MEF2B: variants seen among roughly 807,000 people sequenced by gnomAD.
MEF2B encodes the protein myocyte-specific enhancer factor 2B.
MEF2B carries 15 observed loss-of-function variants against 32.2 expected under a neutral mutation model. That is an observed-to-expected ratio of 0.47 (90% CI 0.31 to 0.72). MEF2B has a LOEUF of 0.72. Among genes scored for constraint, MEF2B ranks in the 30% least tolerant of loss-of-function variants. MEF2B has a pLI of 0.05. For synonymous variants in MEF2B, 205 were observed against 225.6 expected, an observed-to-expected ratio of 0.91 and a Z score of 0.82; for missense variants, 441 against 511.5, an observed-to-expected ratio of 0.86 and a Z score of 1.33.
intron 1 of MEF2B, among the ~76,000 whole-genome samples, chr19:19,161,955 G>A (rs1314145596): frequency 6.6e-6 from 1 of 151,670 alleles, no homozygotes. Flanking sequence ...TTACAGCCAT[G>A]CGCTACCACA....
At chr19:19,150,883 A>T (rs1369854796) in intron 1 of MEF2B, 119 bp from the exon 2 acceptor site, 1 of 1,268,036 alleles carries the variant, frequency 7.9e-7, no homozygotes, top group Non-Finnish European at 1.1e-6. Context: ...TGATGGGGAA[A>T]ATCAAGGCAG....
intron 2 of MEF2B, among the ~76,000 whole-genome samples, chr19:19,150,410 C>G (rs1355350186): frequency 6.6e-6 from 1 of 151,634 alleles, no homozygotes; most frequent in Non-Finnish European, 1.5e-5. Context: ...ACCCGTAATC[C>G]CAGCTACTCA....
At chr19:19,165,959 A>C (rs1003023035) in intron 1 of MEF2B, among the ~76,000 whole-genome samples, 1 of 151,628 alleles carries the variant, frequency 6.6e-6, no homozygotes, top group Non-Finnish European at 1.5e-5. Flanking sequence ...GCTCACAAAC[A>C]CCTCCACTTG....
chr19:19,145,910 C>T lies in MEF2B; in HGVS notation c.994G>A (p.Asp332Asn). Residue 332 changes from aspartate (D) to asparagine (N), a missense_variant, in exon 9 of 9, where the codon GAC (aspartate) becomes AAC (asparagine). Physicochemically the swap from Asp to Asn is conservative, Grantham distance 23. Transcript: ENST00000424583. This position sits in a 1 kb window ranked among gnomAD's most constrained non-coding sequence, Gnocchi z 4.6. ...RLSPAPGGPGDFPKTFPYPLL... is the reference protein window; with the variant it reads ...RLSPAPGGPGNFPKTFPYPLL... ...GGATAGGGGAAGGTCTTAGGAAAGT[C>T]GCCGGGGCCCCCGGGGGCCGGAGAG... The T allele has an allele frequency of 3.5e-6, 5 of 1,438,546 alleles. No individual in the cohort carries two copies. Among genetic ancestry groups the T allele is most frequent in the Non-Finnish European group, 3.7e-6 (4 of 1,094,770 alleles). The allele number at this position is 1,438,546 out of a possible 1,614,324, so 89.1% of individuals were successfully genotyped here.
chr19:19,166,535 C>T (rs1363416494), intron 1 of MEF2B, among the ~76,000 whole-genome samples: 1 of 145,280 alleles, frequency 6.9e-6, no homozygotes, highest in Non-Finnish European at 1.5e-5. Flanking sequence ...GCAGGAGGAC[C>T]ATTTGAGCTC....
chr19:19,151,300 G>A (rs1415289535), intron 1 of MEF2B, among the ~76,000 whole-genome samples: 2 of 152,030 alleles, frequency 1.3e-5, no homozygotes, highest in Non-Finnish European at 2.9e-5. Context: ...CTAGCAGGAG[G>A]ATGCAGGCAC....
At chr19:19,147,579 G>A in intron 4 of MEF2B, 119 bp downstream of exon 4, 1 of 1,538,904 alleles carries the variant, frequency 6.5e-7, no homozygotes, top group Admixed American at 2.0e-5. Context: ...ACCAGGTAGA[G>A]ACCTGCCTCC....
intron 2 of MEF2B, 61 bp downstream of exon 2, chr19:19,150,621 C>G: frequency 1.2e-6 from 2 of 1,610,876 alleles, no homozygotes; most frequent in South Asian, 2.2e-5. Flanking sequence ...AGTCCCTTGC[C>G]TAGGCCATGC....
intron 1 of MEF2B, among the ~76,000 whole-genome samples, chr19:19,168,224 G>C (rs1348960345): frequency 6.6e-6 from 1 of 151,670 alleles, no homozygotes; most frequent in African/African-American, 2.4e-5. Context: ...ATGATTCTTG[G>C]CCAGGCTAGC....
intron 1 of MEF2B, among the ~76,000 whole-genome samples, chr19:19,168,299 G>A (rs2060225818): frequency 8.3e-6 from 1 of 121,040 alleles, no homozygotes; most frequent in African/African-American, 3.0e-5. Context: ...TTGAGATGGA[G>A]TTTCACTCTT....
intron 1 of MEF2B, among the ~76,000 whole-genome samples, chr19:19,169,708 A>C (rs528290096): frequency 3.9e-5 from 6 of 152,208 alleles, no homozygotes; most frequent in African/African-American, 1.4e-4. Context: ...AAGGGAGGAG[A>C]GTTGGCCCCG....
chr19:19,163,200 G>T (rs2060179788), intron 1 of MEF2B, among the ~76,000 whole-genome samples: 1 of 152,056 alleles, frequency 6.6e-6, no homozygotes, highest in Non-Finnish European at 1.5e-5. Flanking sequence ...CTGTCACCCG[G>T]GCTGGAGTGC....
Position 19,145,643 on chromosome 19 carries a change from GT to G in MEF2B, c.*153del, listed in dbSNP as rs899185434. On this transcript the variant is annotated 3_prime_UTR_variant, in exon 9 of 9. Transcript: ENST00000424583. This position sits in a 1 kb window ranked among gnomAD's most constrained non-coding sequence, Gnocchi z 4.6. ...GGAAGAAGGAAAGGAGCCCCCCAGG[GT>G]GGATTGAGTCCAGCCGCCCACCTCC... 27 of 1,508,420 alleles carry G rather than the reference GT, an allele frequency of 1.8e-5. No individual in the cohort carries two copies. In the Middle Eastern group the frequency reaches 5.1e-4, roughly 29 times the overall value. The allele number at this position is 1,508,420 out of a possible 1,614,324, so 93.4% of individuals were successfully genotyped here.
chr19:19,149,210 G>C lies in MEF2B; in HGVS notation c.258+16C>G, dbSNP rs770890587. The stretch of plus-strand genomic sequence containing the variant: ...GCACGGGGCCTTGTGGGGCTGGGGA[G>C]GAGGACCTGGGGTACCTCGAGGATG... On this transcript the variant is annotated intron_variant, in intron 3 of 8. Transcript: ENST00000424583. 2 of 1,613,008 alleles carry C rather than the reference G, an allele frequency of 1.2e-6. No homozygotes were observed. Among genetic ancestry groups the C allele is most frequent in the Non-Finnish European group, 1.7e-6 (2 of 1,179,562 alleles).
chr19:19,162,751 G>C (rs1739272107), intron 1 of MEF2B, among the ~76,000 whole-genome samples: 2 of 152,318 alleles, frequency 1.3e-5, no homozygotes, highest in South Asian at 4.1e-4. Flanking sequence ...CTTCACTCCA[G>C]GATCCCATTT....
chr19:19,158,773 C>T (rs2060138244), intron 1 of MEF2B, among the ~76,000 whole-genome samples: 1 of 150,534 alleles, frequency 6.6e-6, no homozygotes. Context: ...AATAAATAAA[C>T]AAAAATAAAA....
chr19:19,154,202 C>G (rs2060104917), intron 1 of MEF2B, among the ~76,000 whole-genome samples: 1 of 151,830 alleles, frequency 6.6e-6, no homozygotes, highest in Non-Finnish European at 1.5e-5. Context: ...TTTGCTGTGT[C>G]ACCCCGGCTG....
chr19:19,155,548 C>T (rs1048282375), intron 1 of MEF2B, among the ~76,000 whole-genome samples: 1 of 152,238 alleles, frequency 6.6e-6, no homozygotes, highest in Non-Finnish European at 1.5e-5. Flanking sequence ...AACCCTACAG[C>T]TTCCCTCAAC....
intron 3 of MEF2B, among the ~76,000 whole-genome samples, chr19:19,148,301 C>T (rs562811325): frequency 6.6e-6 from 1 of 152,282 alleles, no homozygotes; most frequent in South Asian, 2.1e-4. Flanking sequence ...TCCATCTCTA[C>T]TGAAAATATA....
Sources: gnomAD v4.1 joint callset for allele counts (sites outside exome capture counted in the v4.1 genomes callset) on GRCh38, gnomAD v4.1.1 for gene constraint, Gnocchi (gnomAD v3.1) non-coding constraint, MANE v1.5 for transcripts, NCBI Gene and HGNC (gene_info 2026-07-23, HGNC 2026-07-21) for gene names.